The following CDKL1 variants were observed in gnomAD, a reference collection of about 807,000 sequenced individuals.
The protein encoded by CDKL1 is cyclin-dependent kinase-like 1.
CDKL1 carries 41 observed loss-of-function variants against 42.0 expected under a neutral mutation model. The ratio of observed to expected loss-of-function variants is 0.98; its 90% CI spans 0.76 to 1.27. The LOEUF (loss-of-function observed/expected upper bound fraction) is 1.27. CDKL1 is among the 50% of genes most tolerant of loss of function. CDKL1 has a pLI of 0.00. For synonymous variants in CDKL1, 153 were observed against 158.6 expected (o/e 0.96, Z 0.26); for missense variants, 394 against 428.4 (o/e 0.92, Z 0.71).
intron 2 of CDKL1, among the ~76,000 whole-genome samples, chr14:50,392,891 T>G (rs2035299955): frequency 6.6e-6 from 1 of 152,120 alleles, no homozygotes; most frequent in Admixed American, 6.6e-5. Context: ...TCAAAAACCT[T>G]GAAATTGTTC....
intron 3 of CDKL1, among the ~76,000 whole-genome samples, chr14:50,350,612 T>C (rs1367782714): frequency 6.6e-6 from 1 of 152,190 alleles, no homozygotes; most frequent in Non-Finnish European, 1.5e-5. Flanking sequence ...AGGATCCAAC[T>C]TGGGCCTTTT....
At chr14:50,354,703 A>G (rs1362786540) in intron 3 of CDKL1, among the ~76,000 whole-genome samples, 1 of 152,226 alleles carries the variant, frequency 6.6e-6, no homozygotes, top group Non-Finnish European at 1.5e-5. Flanking sequence ...AACAGGATAC[A>G]TATCTCGTGG....
chr14:50,349,541 CA>C (rs1309392922), intron 3 of CDKL1, among the ~76,000 whole-genome samples: 2 of 152,258 alleles, frequency 1.3e-5, no homozygotes, highest in Admixed American at 6.5e-5. Context: ...GTGGCAAAAG[CA>C]ACCCATCCTG....
Position 50,336,777 on chromosome 14 carries a change from TAA to T in CDKL1, c.739-2158_739-2157del, listed in dbSNP as rs558264504. Among the ~76,000 whole-genome samples, 15 of 152,008 alleles carry T rather than the reference TAA, an allele frequency of 9.9e-5. No individual in the cohort carries two copies. In the East Asian group the frequency reaches 2.5e-3, roughly 26 times the overall value. Reference sequence around the variant, plus strand: ...AGACATTCAAAAATATAAAAAATCATAAAGTTACCCCAAAATCCCACCCAAAA... The same window carrying T: ...AGACATTCAAAAATATAAAAAATCATAGTTACCCCAAAATCCCACCCAAAA... On this transcript the variant is annotated intron_variant, in intron 7 of 9. Transcript: ENST00000395834.
chr14:50,393,368 G>A (rs1014569209), intron 2 of CDKL1, among the ~76,000 whole-genome samples: 2 of 152,166 alleles, frequency 1.3e-5, no homozygotes, highest in African/African-American at 4.8e-5. Context: ...CATAAACATC[G>A]TTTTAGGCAC....
chr14:50,358,548 T>A (rs1420790413), intron 3 of CDKL1, among the ~76,000 whole-genome samples: 2 of 152,008 alleles, frequency 1.3e-5, no homozygotes, highest in Non-Finnish European at 2.9e-5. Flanking sequence ...CTATTTTTTT[T>A]ATCCTTTTGT....
At chr14:50,343,943 G>T (rs2033640570) in intron 4 of CDKL1, among the ~76,000 whole-genome samples, 1 of 152,174 alleles carries the variant, frequency 6.6e-6, no homozygotes, top group South Asian at 2.1e-4. Context: ...TGCAGCATCA[G>T]GAAAAATCAT....
chr14:50,388,154 G>A (rs547361374), intron 2 of CDKL1, among the ~76,000 whole-genome samples: 20 of 152,318 alleles, frequency 1.3e-4, no homozygotes, highest in African/African-American at 4.6e-4. Context: ...CTTCCAAAGT[G>A]CTGGGATCAC....
chr14:50,350,559 C>T (rs1201899560), intron 3 of CDKL1, among the ~76,000 whole-genome samples: 1 of 152,152 alleles, frequency 6.6e-6, no homozygotes, highest in Non-Finnish European at 1.5e-5. Context: ...ATATATATCC[C>T]CAGCTTTTCT....
At chr14:50,375,811 G>T (rs2034713711) in intron 2 of CDKL1, among the ~76,000 whole-genome samples, 1 of 151,896 alleles carries the variant, frequency 6.6e-6, no homozygotes, top group African/African-American at 2.4e-5. Flanking sequence ...AAAAAAAATA[G>T]CGGTAAGTCA....
intron 2 of CDKL1, among the ~76,000 whole-genome samples, chr14:50,379,814 T>C (rs1272283121): frequency 6.6e-6 from 1 of 152,236 alleles, no homozygotes; most frequent in Non-Finnish European, 1.5e-5. Flanking sequence ...CTGAGTCACC[T>C]TGAAGGAGGA....
chr14:50,342,224 T>C lies in CDKL1; in HGVS notation c.364-2A>G, dbSNP rs1171488087. Reference sequence around the variant, plus strand: ...TGGCTTCACGTCTCTATGTATGCACTAGTGTAACAAATCAAAACAAAAACA... The same window carrying C: ...TGGCTTCACGTCTCTATGTATGCACCAGTGTAACAAATCAAAACAAAAACA... On this transcript the variant is annotated splice_acceptor_variant, in intron 4 of 9. Transcript: ENST00000395834. LOFTEE classifies it high-confidence loss of function. 6.2e-7 allele frequency: 1 copy of C among 1,611,294 alleles called. No individual in the cohort carries two copies. Among genetic ancestry groups the C allele is most frequent in the Non-Finnish European group, 8.5e-7 (1 of 1,177,564 alleles).
At chr14:50,382,811 T>C (rs891047336) in intron 2 of CDKL1, among the ~76,000 whole-genome samples, 1 of 152,218 alleles carries the variant, frequency 6.6e-6, no homozygotes, top group African/African-American at 2.4e-5. Flanking sequence ...CAGGCTGGTC[T>C]TGAACTCCTG....
rs2139567116 is a variant in CDKL1, at chr14:50,396,826, C to G, written c.-464G>C. The G allele has an allele frequency of 5.9e-6, 1 of 169,740 alleles. No homozygotes were observed. The highest frequency in any genetic ancestry group is 2.4e-5 in the African/African-American group (1 of 41,680). The allele number at this position is 169,740 out of a possible 1,614,324, so 10.5% of individuals were successfully genotyped here. A position where few individuals can be genotyped will look rare whatever the true frequency, so the allele number is the denominator to read the frequency against. ...CTCCTTGCCCGCCCGGGACTCACGG[C>G]GCCGCGGCGGTCAGGGACGGGCCTG... On this transcript the variant is annotated splice_region_variant and 5_prime_UTR_variant, in exon 1 of 10. Coordinates refer to ENST00000395834, the MANE Select transcript of CDKL1 (RefSeq NM_004196.7).
At chr14:50,395,672 A>T in intron 2 of CDKL1, 29 bp downstream of exon 2, 1 of 1,518,456 alleles carries the variant, frequency 6.6e-7, no homozygotes, top group Non-Finnish European at 9.1e-7. Context: ...GTCTCGAAAA[A>T]GAAAAAAAAG....
chr14:50,332,217 C>T (rs373285323), intron 9 of CDKL1, 45 bp downstream of exon 9: 1 of 1,613,858 alleles, frequency 6.2e-7, no homozygotes, highest in Non-Finnish European at 8.5e-7. Context: ...TAGATTCCAA[C>T]TCTCTGTACC....
In CDKL1 at chr14:50,372,170, G is replaced by A. The variant is rs1352165340; in HGVS notation, c.169-13021C>T. ...ACTCTGTTGCTCAGGCTGGAGTGCA[G>A]TGGAGAGATCTCGGCTCACTGCAAC... On this transcript the variant is annotated intron_variant, in intron 2 of 9. Transcript: ENST00000395834. Among the ~76,000 whole-genome samples, 4 of 152,256 alleles carry A rather than the reference G, an allele frequency of 2.6e-5. No homozygotes were observed. The East Asian group carries it at 5.8e-4, about 22-fold the overall frequency.
rs371233849 is a variant in CDKL1 at position 50,383,653 on chromosome 14, A to G, written c.168+12048T>C. On this transcript the variant is annotated intron_variant, in intron 2 of 9. Coordinates refer to ENST00000395834, the MANE Select transcript of CDKL1 (RefSeq NM_004196.7). ...AAAATAATTTAAGGGGCAAAAAAGC[A>G]ATAGCATAAATTATGTCTTTTATCA... is the stretch of plus-strand genomic sequence containing the variant. Among the ~76,000 whole-genome samples the G allele has an allele frequency of 1.8e-4, 27 of 152,300 alleles. No individual in the cohort carries two copies. In the South Asian group the frequency reaches 5.6e-3, roughly 32 times the overall value.
intron 2 of CDKL1, among the ~76,000 whole-genome samples, chr14:50,386,226 G>GT (rs2035077222): frequency 6.6e-6 from 1 of 152,118 alleles, no homozygotes; most frequent in Admixed American, 6.5e-5. Context: ...GAGGCTGGGA[G>GT]TTTGAGACCA....
Sources: gnomAD v4.1 joint callset for allele counts (sites outside exome capture counted in the v4.1 genomes callset) on GRCh38, gnomAD v4.1.1 for gene constraint, MANE v1.5 for transcripts, NCBI Gene and HGNC (gene_info 2026-07-23, HGNC 2026-07-21) for gene names.